The following PDS5A variants were observed in gnomAD, a reference collection of about 807,000 sequenced individuals.
PDS5A encodes PDS5 cohesin associated factor A.
In PDS5A, 42 loss-of-function variants were observed where a neutral mutation model predicts 167.1. That is an observed-to-expected ratio of 0.25 (90% CI 0.20 to 0.33). The LOEUF is 0.33. Among genes scored for constraint, PDS5A ranks in the 10% least tolerant of loss-of-function variants. PDS5A has a pLI of 1.00. For synonymous variants in PDS5A, 553 were observed against 554.6 expected (o/e 1.00, Z 0.04); for missense variants, 1,033 against 1,605.9 (o/e 0.64, Z 6.10).
At chr4:39,914,683 T>C (rs1724196709) in intron 8 of PDS5A, among the ~76,000 whole-genome samples, 1 of 152,226 alleles carries the variant, frequency 6.6e-6, no homozygotes, top group Non-Finnish European at 1.5e-5. Flanking sequence ...CCAGTTTCAG[T>C]AGTGATGCCA....
intron 9 of PDS5A, among the ~76,000 whole-genome samples, chr4:39,912,821 G>A (rs1307962268): frequency 1.3e-5 from 2 of 152,150 alleles, no homozygotes; most frequent in Non-Finnish European, 2.9e-5. Flanking sequence ...AAGCTCTTGA[G>A]AAGAAACATT....
At position 39,963,757 on chromosome 4, in the gene PDS5A, A is replaced by G. The variant is rs1430866912; in HGVS notation, c.138+12683T>C. ...TGAGGTAGGAGGATCACCTGAGCCT[A>G]TGGAGATCCAGGCTGCAGCAGTGAG... On this transcript the variant is annotated intron_variant, in intron 2 of 32. Coordinates refer to ENST00000303538, the MANE Select transcript of PDS5A (RefSeq NM_001100399.2). Among the ~76,000 whole-genome samples, 3 of 149,714 alleles carry G rather than the reference A, an allele frequency of 2.0e-5. No individual in the cohort carries two copies. The Admixed American group carries it at 2.0e-4, about 10-fold the overall frequency.
intron 11 of PDS5A, among the ~76,000 whole-genome samples, chr4:39,907,489 A>G (rs1288068629): frequency 6.6e-6 from 1 of 152,190 alleles, no homozygotes; most frequent in African/African-American, 2.4e-5. Context: ...AGGCCTAATC[A>G]GCCTGCCTTA....
chr4:39,857,923 C>A (rs1287247771), intron 26 of PDS5A, among the ~76,000 whole-genome samples: 1 of 152,106 alleles, frequency 6.6e-6, no homozygotes, highest in Non-Finnish European at 1.5e-5. Context: ...CCCGCCCCGG[C>A]CTCCCAAAGT....
chr4:39,883,184 T>A (rs1016740764), intron 17 of PDS5A, among the ~76,000 whole-genome samples: 3 of 152,122 alleles, frequency 2.0e-5, no homozygotes, highest in Non-Finnish European at 4.4e-5. Flanking sequence ...AGCATCTTTT[T>A]TTTTAAAAAA....
chr4:39,908,030 C>G (rs1253736300), intron 11 of PDS5A, among the ~76,000 whole-genome samples: 10 of 152,170 alleles, frequency 6.6e-5, no homozygotes, highest in Non-Finnish European at 1.5e-4. Flanking sequence ...GCAGACCCAG[C>G]TAAGTTATTC....
chr4:39,848,648 CATA>C, intron 28 of PDS5A, 200 bp downstream of exon 28: 1 of 490,914 alleles, frequency 2.0e-6, no homozygotes, highest in Admixed American at 3.8e-5. Context: ...CTAGAATAAA[CATA>C]AGATCAACAG....
rs59869303 is a variant in PDS5A at position 39,949,821 on chromosome 4, G to GAAAAAA, written c.139-21663_139-21658dup. ...GGCGACAGAATAAGACTCTGTCTCA[G>GAAAAAA]AAAAAAAAAAAAAAGAAAAACACCA... On this transcript the variant is annotated intron_variant, in intron 2 of 32. Transcript: ENST00000303538. Among the ~76,000 whole-genome samples, 28 of 67,204 alleles carry GAAAAAA rather than the reference G, an allele frequency of 4.2e-4. 4 individuals carry two copies. The highest frequency in any genetic ancestry group is 1.0e-3 in the East Asian group (2 of 1,936). The allele number at this position is 67,204 out of a possible 152,430, so 44.1% of individuals were successfully genotyped here.
At chr4:39,948,676 G>A (rs1382835054) in intron 2 of PDS5A, among the ~76,000 whole-genome samples, 2 of 147,878 alleles carry the variant, frequency 1.4e-5, no homozygotes, top group African/African-American at 5.0e-5. Flanking sequence ...CCAGGCTGGA[G>A]TGCAGTGGTG....
rs533755265 is a variant in PDS5A, at chr4:39,878,994, G to A, written c.1992+734C>T. Among the ~76,000 whole-genome samples, 306 of 152,166 alleles carry A rather than the reference G, an allele frequency of 2.0e-3. 2 individuals carry two copies. The highest frequency in any genetic ancestry group is 6.3e-3 in the African/African-American group (263 of 41,544). On this transcript the variant is annotated intron_variant, in intron 18 of 32. Transcript: ENST00000303538. ...CTTGACCTTGTGATCTGCCCGCCTCGGCCTCCCAAAGTGCTGGGGTTACAG... is the reference window on the plus strand; with the variant it reads ...CTTGACCTTGTGATCTGCCCGCCTCAGCCTCCCAAAGTGCTGGGGTTACAG...
intron 31 of PDS5A, among the ~76,000 whole-genome samples, chr4:39,839,508 G>A (rs986725427): frequency 6.6e-6 from 1 of 152,036 alleles, no homozygotes; most frequent in South Asian, 2.1e-4. Context: ...GGCGGAGGTT[G>A]CAGTAAGCCG....
At chr4:39,953,331 T>C (rs11721478) in intron 2 of PDS5A, among the ~76,000 whole-genome samples, 33,934 of 152,094 alleles carry the variant, frequency 0.22, 4,799 homozygotes, top group Middle Eastern at 0.33. Flanking sequence ...ACCTAGGTTG[T>C]TGGTATGAAA....
At chr4:39,860,862 G>A (rs908241958) in intron 26 of PDS5A, among the ~76,000 whole-genome samples, 8 of 151,792 alleles carry the variant, frequency 5.3e-5, no homozygotes, top group African/African-American at 1.7e-4. Flanking sequence ...TTGAGTCCAC[G>A]AGTTTGAGAC....
At chr4:39,836,445 T>G (rs943778610) in intron 32 of PDS5A, among the ~76,000 whole-genome samples, 4 of 151,570 alleles carry the variant, frequency 2.6e-5, no homozygotes, top group Non-Finnish European at 5.9e-5. Context: ...AATTTTTTTG[T>G]TTTTTTTGAG....
intron 26 of PDS5A, among the ~76,000 whole-genome samples, chr4:39,854,860 T>C (rs937403073): frequency 2.0e-5 from 3 of 152,144 alleles, no homozygotes; most frequent in East Asian, 1.9e-4. Flanking sequence ...ACAGACCAAA[T>C]TGTTAACAGC....
chr4:39,856,022 G>C (rs1201816828), intron 26 of PDS5A, among the ~76,000 whole-genome samples: 1 of 152,116 alleles, frequency 6.6e-6, no homozygotes, highest in Non-Finnish European at 1.5e-5. Flanking sequence ...AACCCACACT[G>C]AGACACATCA....
chr4:39,973,232 G>T, intron 2 of PDS5A: 1 of 1,418,812 alleles, frequency 7.0e-7, no homozygotes, highest in Non-Finnish European at 9.9e-7. Flanking sequence ...AGAACAGAGT[G>T]ACTCTGGACT....
At chr4:39,961,084 C>G (rs1266413275) in intron 2 of PDS5A, among the ~76,000 whole-genome samples, 1 of 152,130 alleles carries the variant, frequency 6.6e-6, no homozygotes, top group Non-Finnish European at 1.5e-5. Context: ...GCTGTGATTA[C>G]AGGCATGAGC....
chr4:39,929,986 C>T (rs1289754950), intron 2 of PDS5A, among the ~76,000 whole-genome samples: 2 of 150,460 alleles, frequency 1.3e-5, no homozygotes, highest in Non-Finnish European at 3.0e-5. Context: ...GAGGCCGAGG[C>T]GGGCAGATCA....
Sources: allele counts gnomAD v4.1 joint callset (sites outside exome capture counted in the v4.1 genomes callset), GRCh38; gene constraint gnomAD v4.1.1; transcripts MANE v1.5; gene names NCBI Gene and HGNC (gene_info 2026-07-23, HGNC 2026-07-21).